The following TENM3 variants were observed in gnomAD, a reference collection of about 807,000 sequenced individuals.
TENM3 encodes teneurin-3.
Under a neutral mutation model 255.1 loss-of-function variants are expected in TENM3, and 63 were observed. The observed-to-expected ratio is 0.25, with a 90% CI of 0.20 to 0.30. The LOEUF (loss-of-function observed/expected upper bound fraction) is 0.30. Ranked by LOEUF, TENM3 falls within the 10% of genes least tolerant of loss-of-function variation. The pLI, the probability that TENM3 is intolerant of heterozygous loss-of-function variation, is 1.00. For synonymous variants in TENM3, 1,306 were observed against 1,322.3 expected (o/e 0.99, Z 0.27); for missense variants, 2,929 against 3,461.1 (o/e 0.85, Z 3.86).
At chr4:181,497,496 G>C in the TENM3 span, among the ~76,000 whole-genome samples, 1 of 152,166 alleles carries the variant, frequency 6.6e-6, no homozygotes, top group Non-Finnish European at 1.5e-5. Context: ...GAAAACATAA[G>C]TTTGTTGTGG....
chr4:182,197,938 C>T (rs1488046995), intron 1 of TENM3, among the ~76,000 whole-genome samples: 4 of 152,072 alleles, frequency 2.6e-5, no homozygotes. Context: ...ACCTGCGTCT[C>T]TACTAAAAAT....
At chr4:182,660,588 A>T (rs1754147231) in intron 6 of TENM3, among the ~76,000 whole-genome samples, 1 of 152,212 alleles carries the variant, frequency 6.6e-6, no homozygotes, top group Non-Finnish European at 1.5e-5. Flanking sequence ...TTCATAGCAA[A>T]ATTTTAAGAA....
At chr4:182,161,673 A>ATATATACATATATATG in intron 1 of TENM3, among the ~76,000 whole-genome samples, 1 of 60,024 alleles carries the variant, frequency 1.7e-5, no homozygotes, top group African/African-American at 6.2e-5. Context: ...AAATATATAT[A>ATATATACATATATATG]TGTATATATA....
chr4:181,619,240 C>T, the TENM3 span, among the ~76,000 whole-genome samples: 7 of 152,172 alleles, frequency 4.6e-5, no homozygotes, highest in East Asian at 1.2e-3. Context: ...ACTTTACAGG[C>T]TTAGGGCTGG....
rs562935259 is a variant in TENM3, at chr4:182,144,766, G to C, written c.-76+12G>C. ...GCGAGCCGAGCGCGGTAAGTGCGGC[G>C]CCGCCGCCGGCGCGCCCTCCTTCCT... On this transcript the variant is annotated intron_variant, in intron 1 of 2. Transcript: ENST00000512480. 1.0e-4 allele frequency: 15 copies of C among 148,080 alleles called. No individual in the cohort carries two copies. The East Asian group carries it at 2.6e-3, about 26-fold the overall frequency. The allele number at this position is 148,080 out of a possible 1,614,324, so 9.2% of individuals were successfully genotyped here. A position where few individuals can be genotyped will look rare whatever the true frequency, so the allele number is the denominator to read the frequency against.
chr4:182,602,180 T>C (rs553317340), intron 4 of TENM3, among the ~76,000 whole-genome samples: 23 of 152,376 alleles, frequency 1.5e-4, no homozygotes, highest in African/African-American at 5.0e-4. Flanking sequence ...ATTGGTCTTC[T>C]GTTGGCAGCT....
chr4:182,164,611 C>T (rs1419978617), intron 1 of TENM3, among the ~76,000 whole-genome samples: 2 of 152,164 alleles, frequency 1.3e-5, no homozygotes, highest in African/African-American at 4.8e-5. Flanking sequence ...GTGCATAAAA[C>T]ATAATACATA....
At chr4:182,603,542 C>T (rs1437689701) in intron 4 of TENM3, among the ~76,000 whole-genome samples, 5 of 151,888 alleles carry the variant, frequency 3.3e-5, no homozygotes, top group South Asian at 2.1e-4. Flanking sequence ...CACACTGTAC[C>T]GACACAGTAC....
At chr4:182,054,805 T>A in the TENM3 span, among the ~76,000 whole-genome samples, 23 of 151,954 alleles carry the variant, frequency 1.5e-4, no homozygotes, top group African/African-American at 2.2e-4. Context: ...AAAATAAAAA[T>A]TTTTTAATTA....
chr4:182,066,692 C>T, the TENM3 span, among the ~76,000 whole-genome samples: 1 of 151,374 alleles, frequency 6.6e-6, no homozygotes. Context: ...GGGCGGATCA[C>T]AAGGTCAGGA....
At chr4:181,982,524 A>C in the TENM3 span, among the ~76,000 whole-genome samples, 1 of 152,150 alleles carries the variant, frequency 6.6e-6, no homozygotes, top group Non-Finnish European at 1.5e-5. Flanking sequence ...TAACTTAGGC[A>C]CTTCTGGAGC....
At chr4:181,921,794 G>C in the TENM3 span, among the ~76,000 whole-genome samples, 2,062 of 152,132 alleles carry the variant, frequency 0.014, 49 homozygotes, top group African/African-American at 0.047. Flanking sequence ...GGTGAGAGAG[G>C]GCATCCCTGT....
chr4:182,792,328 T>C lies in TENM3; in HGVS notation c.5656T>C (p.Trp1886Arg), dbSNP rs763791288. 4.3e-6 allele frequency: 7 copies of C among 1,613,908 alleles called. No individual in the cohort carries two copies. Among genetic ancestry groups the C allele is most frequent in the Non-Finnish European group, 5.9e-6 (7 of 1,179,906 alleles). ...QRQYIFEYDM[W>R]DRLSAITMPS... Reference sequence around the variant, plus strand: ...GCAGTACATCTTCGAATACGATATGTGGGACCGCCTGTCTGCCATCACCAT... The same window carrying C: ...GCAGTACATCTTCGAATACGATATGCGGGACCGCCTGTCTGCCATCACCAT... The change falls in exon 26 of 28, where the codon TGG (tryptophan) becomes CGG (arginine). Residue 1886 changes from tryptophan to arginine, a missense_variant. By Grantham distance (101) the Trp-to-Arg change is moderately radical. Around this residue, in one of 6 missense-constraint regions of TENM3, gnomAD observed 303 missense variants for 425.2 expected, o/e 0.71. Coordinates refer to ENST00000511685, the MANE Select transcript of TENM3 (RefSeq NM_001080477.4). The surrounding 1 kb of genome is among the most constrained non-coding windows in gnomAD (Gnocchi z 6.3).
At chr4:182,538,736 A>G (rs1157033519) in intron 3 of TENM3, among the ~76,000 whole-genome samples, 1 of 152,146 alleles carries the variant, frequency 6.6e-6, no homozygotes, top group Non-Finnish European at 1.5e-5. Context: ...GTTGGAAGAT[A>G]TTTAGAGAAT....
intron 1 of TENM3, among the ~76,000 whole-genome samples, chr4:182,303,777 A>AT (rs1396050676): frequency 6.6e-6 from 1 of 152,200 alleles, no homozygotes; most frequent in South Asian, 2.1e-4. Context: ...TACTCAATAC[A>AT]TTTTAGCTAT....
At chr4:182,124,404 T>C in the TENM3 span, among the ~76,000 whole-genome samples, 15 of 152,206 alleles carry the variant, frequency 9.9e-5, no homozygotes, top group Admixed American at 9.2e-4. Context: ...TAATTTCATA[T>C]GTGAATCTGA....
chr4:182,368,517 G>A (rs1347931037), intron 3 of TENM3, among the ~76,000 whole-genome samples: 1 of 152,088 alleles, frequency 6.6e-6, no homozygotes, highest in Non-Finnish European at 1.5e-5. Flanking sequence ...AACTTCCTTA[G>A]TTGCTAATAC....
chr4:181,754,887 T>A, the TENM3 span, among the ~76,000 whole-genome samples: 56 of 152,208 alleles, frequency 3.7e-4, no homozygotes, highest in African/African-American at 1.4e-3. Context: ...AAAATGTTAT[T>A]GTACAGGCCA....
At chr4:181,544,277 T>C in the TENM3 span, among the ~76,000 whole-genome samples, 1 of 151,852 alleles carries the variant, frequency 6.6e-6, no homozygotes, top group Non-Finnish European at 1.5e-5. Flanking sequence ...GTGTTTCATA[T>C]TGTGTCTTTT....
Sources: gnomAD v4.1 joint callset for allele counts (sites outside exome capture counted in the v4.1 genomes callset) on GRCh38, gnomAD v4.1.1 for gene constraint, gnomAD v4.1.1 regional missense constraint, Gnocchi (gnomAD v3.1) non-coding constraint, MANE v1.5 for transcripts, NCBI Gene and HGNC (gene_info 2026-07-23, HGNC 2026-07-21) for gene names.